Variants in TRHDE observed in about 807,000 individuals in gnomAD.
TRHDE encodes the protein thyrotropin-releasing hormone-degrading ectoenzyme.
A neutral mutation model predicts 125.7 loss-of-function variants in TRHDE; 72 were observed. The ratio of observed to expected loss-of-function variants is 0.57; its 90% CI spans 0.47 to 0.70. The LOEUF (loss-of-function observed/expected upper bound fraction) is 0.70. Ranked by LOEUF, TRHDE falls within the 30% of genes least tolerant of loss-of-function variation. The pLI is 0.00. For synonymous variants in TRHDE, 509 were observed against 509.1 expected (o/e 1.00, Z 0.00); for missense variants, 1,110 against 1,327.1 (o/e 0.84, Z 2.54).
intron 3 of TRHDE, among the ~76,000 whole-genome samples, chr12:72,421,051 C>T (rs181578618): frequency 6.6e-6 from 1 of 152,042 alleles, no homozygotes; most frequent in East Asian, 1.9e-4. Context: ...TCACTGCAAG[C>T]TCCACCTCCC....
Position 72,320,848 on chromosome 12 carries a change from G to A in TRHDE, c.1188+33894G>A, listed in dbSNP as rs181136948. ...CTCAGGCAAGCTGTTTAAGCATTGC[G>A]AGTTTTGCATTTCATGGTAGAGTGA... On this transcript the variant is annotated intron_variant, in intron 2 of 18. Coordinates refer to ENST00000261180, the MANE Select transcript of TRHDE (RefSeq NM_013381.3). Among the ~76,000 whole-genome samples the A allele has an allele frequency of 4.3e-4, 65 of 152,196 alleles. 1 individual carries two copies. The highest frequency in any genetic ancestry group is 3.7e-3 in the Admixed American group (56 of 15,268).
intron 3 of TRHDE, among the ~76,000 whole-genome samples, chr12:72,410,875 A>G (rs1873468087): frequency 6.6e-6 from 1 of 151,958 alleles, no homozygotes; most frequent in Non-Finnish European, 1.5e-5. Context: ...GCAGATAAAA[A>G]AAAAAAAAAA....
chr12:72,233,584 G>A (rs1388917849), intron 2 of TRHDE, among the ~76,000 whole-genome samples: 1 of 152,196 alleles, frequency 6.6e-6, no homozygotes, highest in Non-Finnish European at 1.5e-5. Context: ...AGGAAGCACA[G>A]TGGGTTTTGC....
chr12:72,410,056 A>C (rs1873428752), intron 3 of TRHDE, among the ~76,000 whole-genome samples: 1 of 152,092 alleles, frequency 6.6e-6, no homozygotes, highest in Non-Finnish European at 1.5e-5. Context: ...AATAAGAAAG[A>C]ATGTACAAAT....
At chr12:72,434,415 T>C (rs1874646923) in intron 3 of TRHDE, among the ~76,000 whole-genome samples, 3 of 150,444 alleles carry the variant, frequency 2.0e-5, no homozygotes, top group Admixed American at 2.0e-4. Flanking sequence ...AAAAAGTTTA[T>C]CATATGTCTT....
At chr12:72,592,564 T>TC (rs1555200459) in intron 12 of TRHDE, among the ~76,000 whole-genome samples, 15 of 151,410 alleles carry the variant, frequency 9.9e-5, no homozygotes, top group East Asian at 7.8e-4. Flanking sequence ...GATTTTTTTT[T>TC]TCTCTCTCTC....
intron 2 of TRHDE, among the ~76,000 whole-genome samples, chr12:72,316,796 T>G (rs1868824924): frequency 6.6e-6 from 1 of 152,198 alleles, no homozygotes; most frequent in African/African-American, 2.4e-5. Flanking sequence ...CTCTGTAGTC[T>G]CTCCTTGGTG....
Position 72,272,605 on chromosome 12 carries a change from G to A in TRHDE, c.-39G>A. 1.2e-6 allele frequency: 1 copy of A among 825,440 alleles called. No individual in the cohort carries two copies. The highest frequency in any genetic ancestry group is 1.8e-6 in the Non-Finnish European group (1 of 555,406). 51.1% of individuals were successfully genotyped at this position (825,440 alleles called of 1,614,324 possible). ...TGGCCCGGGTGGCCCGCCCGCGGGG[G>A]GTGCCAGAGGGGGCGGGGGAGGAGG... On this transcript the variant is annotated 5_prime_UTR_variant, in exon 1 of 19. Coordinates refer to ENST00000261180, the MANE Select transcript of TRHDE (RefSeq NM_013381.3). The surrounding 1 kb of genome is among the most constrained non-coding windows in gnomAD (Gnocchi z 6.7).
chr12:72,660,020 T>C (rs780325519), intron 18 of TRHDE, among the ~76,000 whole-genome samples: 5 of 151,878 alleles, frequency 3.3e-5, no homozygotes, highest in Admixed American at 6.6e-5. Flanking sequence ...CTGATGTTTA[T>C]TGTATACAAG....
chr12:72,267,787 C>T (rs1034976730), upstream of TRHDE, among the ~76,000 whole-genome samples: 1 of 151,984 alleles, frequency 6.6e-6, no homozygotes, highest in Non-Finnish European at 1.5e-5. Context: ...CTTTTAAATA[C>T]ACAAGTCAGA....
In TRHDE at chr12:72,666,341, G is replaced by A. The variant is rs1875113181; in HGVS notation, c.*3146G>A. 1 of 152,108 alleles carries A rather than the reference G, an allele frequency of 6.6e-6. No individual in the cohort carries two copies. Among genetic ancestry groups the A allele is most frequent in the Non-Finnish European group, 1.5e-5 (1 of 68,066 alleles). The allele number at this position is 152,108 out of a possible 1,614,324, so 9.4% of individuals were successfully genotyped here. On this transcript the variant is annotated 3_prime_UTR_variant, in exon 19 of 19. Coordinates refer to ENST00000261180, the MANE Select transcript of TRHDE (RefSeq NM_013381.3). The stretch of plus-strand genomic sequence containing the variant: ...AGGGTGGGAGGATCACTTGAGCCCA[G>A]GGGTTTGAGACCAGTCTGGGAAACA...
chr12:72,567,133 A>G (rs1256976036), intron 9 of TRHDE, among the ~76,000 whole-genome samples: 1 of 149,604 alleles, frequency 6.7e-6, no homozygotes, highest in African/African-American at 2.5e-5. Context: ...GCATATTTTT[A>G]AACCTATATT....
chr12:72,429,579 T>C (rs1321267395), intron 3 of TRHDE, among the ~76,000 whole-genome samples: 3 of 152,014 alleles, frequency 2.0e-5, no homozygotes, highest in Non-Finnish European at 2.9e-5. Flanking sequence ...GGGAACTCTA[T>C]ATTTAACTTT....
At chr12:72,373,363 C>A (rs1194867663) in intron 2 of TRHDE, among the ~76,000 whole-genome samples, 1 of 152,084 alleles carries the variant, frequency 6.6e-6, no homozygotes, top group East Asian at 1.9e-4. Context: ...TCCTCTTTTC[C>A]TAATTGAATA....
intron 2 of TRHDE, among the ~76,000 whole-genome samples, chr12:72,213,422 T>C (rs1213940173): frequency 6.6e-6 from 1 of 152,204 alleles, no homozygotes; most frequent in Non-Finnish European, 1.5e-5. Flanking sequence ...TTTCTAGATA[T>C]TTCTCTTAAA....
chr12:72,480,848 A>G (rs1267367039), intron 5 of TRHDE, among the ~76,000 whole-genome samples: 1 of 152,172 alleles, frequency 6.6e-6, no homozygotes, highest in Non-Finnish European at 1.5e-5. Context: ...CAAAAATTAT[A>G]CCAAAATGAC....
chr12:72,174,067 C>T (rs1353977119), intron 2 of TRHDE, among the ~76,000 whole-genome samples: 2 of 152,074 alleles, frequency 1.3e-5, no homozygotes, highest in Non-Finnish European at 2.9e-5. Context: ...GAATATTAAA[C>T]GTTGATGTAA....
rs552656018 is a variant in TRHDE, at chr12:72,186,958, T to C, written n.279+81206T>C. ...ATCAATTAGATGATAGAAACTATCA[T>C]GGTGGAAGAGAGAAGGATGAGGCAT... On this transcript the variant is annotated intron_variant and non_coding_transcript_variant, in intron 2 of 4. Coordinates refer to the TRHDE transcript ENST00000548156. Among the ~76,000 whole-genome samples the C allele has an allele frequency of 2.0e-4, 31 of 152,144 alleles. No individual in the cohort carries two copies. The South Asian group carries it at 5.4e-3, about 27-fold the overall frequency.
At chr12:72,562,363 T>G (rs1870220268) in intron 8 of TRHDE, 133 bp downstream of exon 8, 2 of 483,126 alleles carry the variant, frequency 4.1e-6, no homozygotes, top group East Asian at 6.6e-5. Context: ...TTCATATTGA[T>G]TTTTTGTTTT....
Sources: gnomAD v4.1 joint callset for allele counts (sites outside exome capture counted in the v4.1 genomes callset) on GRCh38, gnomAD v4.1.1 for gene constraint, Gnocchi (gnomAD v3.1) non-coding constraint, MANE v1.5 for transcripts, NCBI Gene and HGNC (gene_info 2026-07-23, HGNC 2026-07-21) for gene names.